Variants in DENND1A observed in about 807,000 individuals in gnomAD.
The protein encoded by DENND1A is DENN domain-containing protein 1A.
DENND1A carries 51 observed loss-of-function variants against 113.7 expected under a neutral mutation model. That is an observed-to-expected ratio of 0.45 (90% confidence interval 0.36 to 0.57). The LOEUF (loss-of-function observed/expected upper bound fraction) is 0.57. DENND1A is among the 20% of genes least tolerant of loss of function. The pLI is 0.00. For synonymous variants in DENND1A, 565 were observed against 570.8 expected (o/e 0.99, Z 0.14); for missense variants, 1,258 against 1,395.9 (o/e 0.90, Z 1.57).
At chr9:123,617,522 G>A (rs1342889731) in intron 10 of DENND1A, among the ~76,000 whole-genome samples, 3 of 152,194 alleles carry the variant, frequency 2.0e-5, no homozygotes, top group Non-Finnish European at 2.9e-5. Flanking sequence ...AGAGCCCCAA[G>A]CCACTGGACC....
intron 2 of DENND1A, among the ~76,000 whole-genome samples, chr9:123,801,894 C>A (rs117569135): frequency 0.022 from 3,318 of 152,296 alleles, 45 homozygotes; most frequent in Middle Eastern, 0.034. Context: ...TTCCCACTAT[C>A]CAAATCTTTC....
intron 12 of DENND1A, among the ~76,000 whole-genome samples, chr9:123,572,402 A>G (rs973473272): frequency 2.6e-5 from 4 of 152,204 alleles, no homozygotes; most frequent in African/African-American, 9.6e-5. Flanking sequence ...ATACACATAC[A>G]TACGTTTTCC....
chr9:123,721,997 A>T (rs1020555737), intron 5 of DENND1A, among the ~76,000 whole-genome samples: 3 of 152,226 alleles, frequency 2.0e-5, no homozygotes, highest in Non-Finnish European at 4.4e-5. Context: ...AGAAGAAGAC[A>T]GGAAAATGTG....
chr9:123,721,022 C>A (rs891133985), intron 5 of DENND1A, among the ~76,000 whole-genome samples: 1 of 152,176 alleles, frequency 6.6e-6, no homozygotes, highest in Non-Finnish European at 1.5e-5. Flanking sequence ...CTGTCTTCAG[C>A]CTTAGAGTGC....
intron 13 of DENND1A, among the ~76,000 whole-genome samples, chr9:123,545,369 C>T (rs2056592429): frequency 6.6e-6 from 1 of 152,090 alleles, no homozygotes; most frequent in African/African-American, 2.4e-5. Flanking sequence ...CAACTGTATC[C>T]TCTAATCATC....
intron 5 of DENND1A, among the ~76,000 whole-genome samples, chr9:123,707,722 T>A (rs956022307): frequency 2.0e-5 from 3 of 152,132 alleles, no homozygotes; most frequent in African/African-American, 7.2e-5. Flanking sequence ...AGTGGAGAAC[T>A]GACGACAACA....
At chr9:123,753,323 A>T (rs1240547124) in intron 5 of DENND1A, among the ~76,000 whole-genome samples, 3 of 152,238 alleles carry the variant, frequency 2.0e-5, no homozygotes, top group African/African-American at 4.8e-5. Flanking sequence ...AGTGGGGAGG[A>T]ACAGAAAATA....
intron 5 of DENND1A, among the ~76,000 whole-genome samples, chr9:123,750,192 A>C (rs955978473): frequency 1.3e-5 from 2 of 152,210 alleles, no homozygotes; most frequent in African/African-American, 4.8e-5. Flanking sequence ...GTGCAAGGGC[A>C]GTTTCGGCTA....
chr9:123,801,002 G>A (rs1445430897), intron 2 of DENND1A, among the ~76,000 whole-genome samples: 1 of 152,104 alleles, frequency 6.6e-6, no homozygotes, highest in African/African-American at 2.4e-5. Context: ...CATCTCTGCA[G>A]GGGAAGCACA....
chr9:123,848,905 ACT>A (rs1429355939), intron 2 of DENND1A, among the ~76,000 whole-genome samples: 2 of 152,172 alleles, frequency 1.3e-5, no homozygotes, highest in African/African-American at 4.8e-5. Flanking sequence ...CAAGGCCCTG[ACT>A]CTCTTCAATT....
intron 15 of DENND1A, among the ~76,000 whole-genome samples, chr9:123,456,264 G>C (rs1325520565): frequency 1.3e-5 from 2 of 152,012 alleles, no homozygotes; most frequent in African/African-American, 4.8e-5. Flanking sequence ...AAGGGGGCCA[G>C]CAGCATGGGC....
intron 13 of DENND1A, among the ~76,000 whole-genome samples, chr9:123,459,842 A>C (rs1270131133): frequency 6.6e-6 from 1 of 152,184 alleles, no homozygotes; most frequent in Non-Finnish European, 1.5e-5. Context: ...AGCCAATATT[A>C]ACTCAGAAGC....
At chr9:123,752,591 A>G (rs2070150374) in intron 5 of DENND1A, among the ~76,000 whole-genome samples, 1 of 152,156 alleles carries the variant, frequency 6.6e-6, no homozygotes, top group African/African-American at 2.4e-5. Context: ...CTCAAACACA[A>G]ATTTAAACCT....
At chr9:123,902,174 TACACACACAC>T (rs9299289) in intron 1 of DENND1A, among the ~76,000 whole-genome samples, 68 of 132,156 alleles carry the variant, frequency 5.1e-4, no homozygotes, top group African/African-American at 1.4e-3. Context: ...CACACACACA[TACACACACAC>T]ACACACACAC....
chr9:123,658,112 C>T (rs892016564), intron 8 of DENND1A, among the ~76,000 whole-genome samples: 8 of 152,046 alleles, frequency 5.3e-5, no homozygotes, highest in Non-Finnish European at 1.0e-4. Context: ...TATATCATGG[C>T]GCATCTTTTG....
chr9:123,906,019 A>G (rs1397036067), intron 1 of DENND1A, among the ~76,000 whole-genome samples: 1 of 152,020 alleles, frequency 6.6e-6, no homozygotes, highest in African/African-American at 2.4e-5. Flanking sequence ...CTCAGACCAC[A>G]CTGCAATCAA....
chr9:123,711,518 T>TAA (rs1554970715), intron 5 of DENND1A, among the ~76,000 whole-genome samples: 1 of 85,970 alleles, frequency 1.2e-5, no homozygotes, highest in Non-Finnish European at 2.1e-5. Context: ...TATATGTATA[T>TAA]ATATATATAT....
At chr9:123,544,264 A>G (rs2056496302) in intron 13 of DENND1A, among the ~76,000 whole-genome samples, 1 of 152,248 alleles carries the variant, frequency 6.6e-6, no homozygotes, top group Admixed American at 6.5e-5. Context: ...TTATCACTAC[A>G]AATATCAAAT....
intron 1 of DENND1A, among the ~76,000 whole-genome samples, chr9:123,881,221 T>C (rs1377437209): frequency 2.0e-5 from 3 of 152,144 alleles, no homozygotes; most frequent in South Asian, 2.1e-4. Context: ...CCTTAAAAAA[T>C]TGTTGTGCTC....
Sources: gnomAD v4.1 joint callset for allele counts (sites outside exome capture counted in the v4.1 genomes callset) on GRCh38, gnomAD v4.1.1 for gene constraint, MANE v1.5 for transcripts, NCBI Gene and HGNC (gene_info 2026-07-23, HGNC 2026-07-21) for gene names.